Variants in C8A observed in about 807,000 individuals in gnomAD.
C8A encodes the protein complement component C8 alpha chain.
In C8A, 67 loss-of-function variants were observed where a neutral mutation model predicts 65.3. The observed-to-expected ratio is 1.03, with a 90% CI of 0.84 to 1.26. The LOEUF (loss-of-function observed/expected upper bound fraction) is 1.26, where lower values mean the gene tolerates loss of function less well. C8A is among the 50% of genes most tolerant of loss of function. The pLI is 0.00. For missense variants in C8A, 781 were observed against 723.9 expected (o/e 1.08, Z -0.90); for synonymous variants, 290 against 259.4 (o/e 1.12, Z -1.13).
chr1:56,854,896 G>C lies in C8A; in HGVS notation c.-6G>C. On this transcript the variant is annotated 5_prime_UTR_variant, in exon 1 of 11. Coordinates refer to ENST00000361249, the MANE Select transcript of C8A (RefSeq NM_000562.3). ...AGGTAATATAGTGCGGTGGCTTCTGGCTGAGATGTTTGCTGTTGTTTTCTT... is the reference window on the plus strand; with the variant it reads ...AGGTAATATAGTGCGGTGGCTTCTGCCTGAGATGTTTGCTGTTGTTTTCTT... 1 of 1,612,900 alleles carries C rather than the reference G, an allele frequency of 6.2e-7. No homozygotes were observed.
intron 10 of C8A, among the ~76,000 whole-genome samples, chr1:56,914,925 G>A (rs186013951): frequency 5.2e-4 from 79 of 152,272 alleles, no homozygotes; most frequent in East Asian, 3.1e-3. Context: ...TGATCTGCCC[G>A]CCTCAGCCTC....
chr1:56,881,665 C>T (rs1267908801), intron 5 of C8A, 31 bp downstream of exon 5: 27 of 1,600,014 alleles, frequency 1.7e-5, no homozygotes, highest in Non-Finnish European at 2.2e-5. Flanking sequence ...TCTGAGGCCA[C>T]TGTGGTGTAG....
intron 1 of C8A, among the ~76,000 whole-genome samples, chr1:56,866,514 G>C (rs1644089195): frequency 6.6e-6 from 1 of 152,152 alleles, no homozygotes. Context: ...TCCTTGTGCC[G>C]AGTTTCAACT....
chr1:56,867,866 G>A (rs975977591), intron 2 of C8A, among the ~76,000 whole-genome samples, 164 bp downstream of exon 2: 8 of 151,782 alleles, frequency 5.3e-5, no homozygotes, highest in East Asian at 1.9e-4. Context: ...ACTTGTTTCC[G>A]TGTCTCCTAA....
At chr1:56,861,901 C>G (rs1644037208) in intron 1 of C8A, among the ~76,000 whole-genome samples, 1 of 152,166 alleles carries the variant, frequency 6.6e-6, no homozygotes, top group Admixed American at 6.6e-5. Flanking sequence ...GGATTGGTAG[C>G]TAATTAATTA....
intron 8 of C8A, 99 bp from the exon 9 acceptor site, chr1:56,907,857 A>T: frequency 7.2e-7 from 1 of 1,388,434 alleles, no homozygotes; most frequent in Non-Finnish European, 1.0e-6. Context: ...TCTAAGGAAA[A>T]CATGTAAACT....
intron 3 of C8A, among the ~76,000 whole-genome samples, 175 bp from the exon 4 acceptor site, chr1:56,875,887 G>T (rs1644193448): frequency 6.6e-6 from 1 of 152,152 alleles, no homozygotes; most frequent in Non-Finnish European, 1.5e-5. Context: ...TGCCCAAGCT[G>T]GGAGGCTGCA....
At chr1:56,866,369 A>T (rs1371191253) in intron 1 of C8A, among the ~76,000 whole-genome samples, 2 of 152,196 alleles carry the variant, frequency 1.3e-5, no homozygotes, top group African/African-American at 4.8e-5. Context: ...GAATTCTGTG[A>T]ATATTGGTAG....
chr1:56,882,737 G>T (rs1644258134), intron 5 of C8A, among the ~76,000 whole-genome samples: 1 of 152,150 alleles, frequency 6.6e-6, no homozygotes, highest in Non-Finnish European at 1.5e-5. Flanking sequence ...CTCAAGGAAG[G>T]TCTTGGGGCT....
chr1:56,900,072 C>A (rs141459561), intron 7 of C8A, among the ~76,000 whole-genome samples: 22 of 152,308 alleles, frequency 1.4e-4, no homozygotes, highest in African/African-American at 5.0e-4. Context: ...AGACATGGGA[C>A]TGTAGTCAAC....
intron 7 of C8A, among the ~76,000 whole-genome samples, chr1:56,889,158 C>T (rs899984278): frequency 6.6e-6 from 1 of 151,942 alleles, no homozygotes; most frequent in African/African-American, 2.4e-5. Flanking sequence ...AACCATATGT[C>T]GATAATAGCA....
Position 56,873,452 on chromosome 1 carries a change from C to A in C8A, c.172-1497C>A, listed in dbSNP as rs1445232376. On this transcript the variant is annotated intron_variant, in intron 2 of 10. Coordinates refer to ENST00000361249, the MANE Select transcript of C8A (RefSeq NM_000562.3). ...GGCAGTTGGTAAGAAAATCTGGGCC[C>A]TGAACCCAAGTCTGTCTAATCCTCA... Among the ~76,000 whole-genome samples, 3 of 152,138 alleles carry A rather than the reference C, an allele frequency of 2.0e-5. No homozygotes were observed. The East Asian group carries it at 5.8e-4, about 29-fold the overall frequency.
intron 7 of C8A, among the ~76,000 whole-genome samples, chr1:56,901,442 G>T (rs987312644): frequency 6.6e-6 from 1 of 152,116 alleles, no homozygotes; most frequent in African/African-American, 2.4e-5. Context: ...ATGGAGGTGT[G>T]AGGGTGGCTC....
At chr1:56,903,199 C>A (rs1644439401) in intron 7 of C8A, among the ~76,000 whole-genome samples, 1 of 152,110 alleles carries the variant, frequency 6.6e-6, no homozygotes, top group South Asian at 2.1e-4. Context: ...TTGCAGTTCC[C>A]AAAATCCCCA....
At position 56,906,667 on chromosome 1, in the gene C8A, G is replaced by A. The variant is rs753477133; in HGVS notation, c.1097G>A (p.Gly366Asp). 4.3e-6 allele frequency: 7 copies of A among 1,613,902 alleles called. No individual in the cohort carries two copies. Among genetic ancestry groups the A allele is most frequent in the African/African-American group, 2.7e-5 (2 of 74,880 alleles). ...VIDKAKMESL[G>D]ITSRDITTCF... ...GTGTTTCTCTGTCTCCCTGTTGCAG[G>A]TATTACCAGCAGAGATATCACGACA... is the stretch of plus-strand genomic sequence containing the variant. Residue 366 changes from glycine (G) to aspartate (D), a missense_variant and splice_region_variant, in exon 8 of 11, where the codon GGT (glycine) becomes GAT (aspartate). Transcript: ENST00000361249.
chr1:56,885,959 G>A lies in C8A; in HGVS notation c.888G>A (p.Val296=). The stretch of plus-strand genomic sequence containing the variant: ...TTTTCACAAGAATCTTCACAAAGGT[G>A]CAGACTGCACATTTTAAGATGAGGA... ...KFIFTRIFTK[V]QTAHFKMRKD... is the part of the protein sequence containing the mutation. Residue 296 remains valine, a synonymous_variant, in exon 7 of 11, where the codon GTG becomes GTA. Transcript: ENST00000361249. 6.2e-7 allele frequency: 1 copy of A among 1,613,972 alleles called. No individual in the cohort carries two copies. The highest frequency in any genetic ancestry group is 8.5e-7 in the Non-Finnish European group (1 of 1,179,902).
At chr1:56,915,680 G>A (rs1279682883) in intron 10 of C8A, among the ~76,000 whole-genome samples, 1 of 152,156 alleles carries the variant, frequency 6.6e-6, no homozygotes, top group East Asian at 1.9e-4. Flanking sequence ...ATGCTATTAT[G>A]AGTCCCAATT....
intron 1 of C8A, among the ~76,000 whole-genome samples, chr1:56,864,225 T>A (rs1193421501): frequency 6.6e-6 from 1 of 152,186 alleles, no homozygotes; most frequent in Admixed American, 6.5e-5. Context: ...TACATAGGAA[T>A]TAACCAAAGT....
intron 7 of C8A, among the ~76,000 whole-genome samples, chr1:56,897,460 A>G (rs1570344592): frequency 6.6e-6 from 1 of 152,186 alleles, no homozygotes; most frequent in Admixed American, 6.5e-5. Context: ...TTGGAACACA[A>G]GATGCGGGCT....
Sources: allele counts gnomAD v4.1 joint callset (sites outside exome capture counted in the v4.1 genomes callset), GRCh38; gene constraint gnomAD v4.1.1; transcripts MANE v1.5; gene names NCBI Gene and HGNC (gene_info 2026-07-23, HGNC 2026-07-21).